The following CD82 variants were observed in gnomAD, a reference collection of about 807,000 sequenced individuals.
The protein encoded by CD82 is CD82 molecule.
Under a neutral mutation model 37.4 loss-of-function variants are expected in CD82, and 36 were observed. That is an observed-to-expected ratio of 0.96 (90% CI 0.74 to 1.27). The LOEUF (loss-of-function observed/expected upper bound fraction) is 1.27, where lower values mean the gene tolerates loss of function less well. CD82 is among the 50% of genes most tolerant of loss of function. The pLI, the probability that CD82 is intolerant of heterozygous loss-of-function variation, is 0.00. For missense variants in CD82, 340 were observed against 347.0 expected, an observed-to-expected ratio of 0.98 and a Z score of 0.16; for synonymous variants, 158 against 137.4, an observed-to-expected ratio of 1.15 and a Z score of -1.05.
intron 6 of CD82, among the ~76,000 whole-genome samples, chr11:44,607,821 C>T (rs1038322454): frequency 2.0e-5 from 3 of 152,198 alleles, no homozygotes; most frequent in African/African-American, 7.2e-5. Flanking sequence ...GCTGCCCTCC[C>T]GCCGGCTGGG....
At chr11:44,596,672 G>A (rs1853232144) in intron 3 of CD82, among the ~76,000 whole-genome samples, 1 of 152,164 alleles carries the variant, frequency 6.6e-6, no homozygotes, top group African/African-American at 2.4e-5. Context: ...GACCCATCAG[G>A]ATGGTGGAGG....
At position 44,619,596 on chromosome 11, in the gene CD82, A is replaced by C. The variant is rs1479893837; in HGVS notation, c.*470A>C. 1 of 152,636 alleles carries C rather than the reference A, an allele frequency of 6.6e-6. No individual in the cohort carries two copies. Among genetic ancestry groups the C allele is most frequent in the Admixed American group, 6.5e-5 (1 of 15,346 alleles). The allele number at this position is 152,636 out of a possible 1,614,324, so 9.5% of individuals were successfully genotyped here. A position where few individuals can be genotyped will look rare whatever the true frequency, so the allele number is the denominator to read the frequency against. The stretch of plus-strand genomic sequence containing the variant: ...GCTAACATGGTGAAACCCCGTCTCT[A>C]CTAAAAATACAAAAAAAATTTAGCC... On this transcript the variant is annotated 3_prime_UTR_variant, in exon 10 of 10. Transcript: ENST00000227155.
chr11:44,591,051 A>G (rs1853138498), intron 2 of CD82, among the ~76,000 whole-genome samples: 2 of 152,204 alleles, frequency 1.3e-5, no homozygotes. Context: ...TGTCTTCTGG[A>G]TCTTGGCCAG....
intron 1 of CD82, among the ~76,000 whole-genome samples, chr11:44,586,163 C>T (rs745399095): frequency 6.6e-6 from 1 of 152,222 alleles, no homozygotes; most frequent in Non-Finnish European, 1.5e-5. Flanking sequence ...GCCCAGGCTG[C>T]ACCCCAGAAC....
In CD82 at chr11:44,619,089, T is replaced by C; in HGVS notation, c.767T>C (p.Val256Ala). Residue 256 changes from valine to alanine, a missense_variant, in exon 10 of 10, where the codon GTC becomes GCC. Physicochemically the swap from Val to Ala is moderately conservative, Grantham distance 64. Transcript: ENST00000227155. ...CTGTCCATCTGCTTGTGCCGGCACG[T>C]CCATTCCGAAGACTACAGCAAGGTC... ...MVLSICLCRH[V>A]HSEDYSKVPK... 1.2e-6 allele frequency: 2 copies of C among 1,613,242 alleles called. No homozygotes were observed. Among genetic ancestry groups the C allele is most frequent in the Non-Finnish European group, 8.5e-7 (1 of 1,179,790 alleles).
intron 3 of CD82, chr11:44,596,788 G>C: frequency 2.5e-6 from 1 of 407,422 alleles, no homozygotes; most frequent in East Asian, 7.2e-5. Flanking sequence ...TGACACCTCA[G>C]CATCTTCAGA....
intron 3 of CD82, among the ~76,000 whole-genome samples, chr11:44,598,909 C>A (rs550843268): frequency 6.6e-6 from 1 of 152,312 alleles, no homozygotes; most frequent in Non-Finnish European, 1.5e-5. Context: ...CCAGGTGGGC[C>A]CAGTCCAGGC....
At chr11:44,604,892 A>G in intron 4 of CD82, 166 bp from the exon 5 acceptor site, 1 of 849,468 alleles carries the variant, frequency 1.2e-6, no homozygotes, top group Non-Finnish European at 1.9e-6. Context: ...ACAAGTGGGG[A>G]TGGGGGTGAC....
intron 6 of CD82, chr11:44,608,169 T>C (rs1853426964): frequency 6.6e-6 from 1 of 152,174 alleles, no homozygotes; most frequent in African/African-American, 2.4e-5. Context: ...TCTTGATGTG[T>C]TTATTCTGGC....
intron 1 of CD82, among the ~76,000 whole-genome samples, chr11:44,567,268 G>A (rs772219814): frequency 6.6e-6 from 1 of 152,184 alleles, no homozygotes; most frequent in Non-Finnish European, 1.5e-5. Flanking sequence ...CGCTGAAGGT[G>A]CTGCATTATA....
chr11:44,605,026 C>G, intron 4 of CD82, 32 bp from the exon 5 acceptor site: 1 of 1,614,126 alleles, frequency 6.2e-7, no homozygotes, highest in Non-Finnish European at 8.5e-7. Context: ...ACCTGCTGTG[C>G]CCACTGATTT....
At chr11:44,581,406 C>A (rs761314112) in intron 1 of CD82, among the ~76,000 whole-genome samples, 2 of 152,210 alleles carry the variant, frequency 1.3e-5, no homozygotes, top group Non-Finnish European at 2.9e-5. Flanking sequence ...AACTGAGCCA[C>A]GTGAAGGACT....
rs145072573 is a variant in CD82 at position 44,588,473 on chromosome 11, C to T, written c.-21+917C>T. On this transcript the variant is annotated intron_variant, in intron 2 of 9. Transcript: ENST00000227155. Reference sequence around the variant, plus strand: ...TCCTGACCTCGTGATCCGCCCGCCTCGACCTCCCAAAGTGCTGGGGTTACA... The same window carrying T: ...TCCTGACCTCGTGATCCGCCCGCCTTGACCTCCCAAAGTGCTGGGGTTACA... 8.1e-3 allele frequency among the ~76,000 whole-genome samples: 1,234 copies of T among 152,280 alleles called. 5 individuals are homozygous for T. Among genetic ancestry groups the T allele is most frequent in the Middle Eastern group, 0.02 (6 of 294 alleles).
intron 7 of CD82, among the ~76,000 whole-genome samples, chr11:44,617,501 G>A (rs1441355856): frequency 1.4e-5 from 2 of 145,810 alleles, no homozygotes; most frequent in African/African-American, 2.6e-5. Context: ...GGAGGTTGCA[G>A]TGAGCCAAGA....
chr11:44,612,104 C>T (rs967875547), intron 6 of CD82, among the ~76,000 whole-genome samples: 2 of 152,192 alleles, frequency 1.3e-5, no homozygotes, highest in Admixed American at 6.5e-5. Flanking sequence ...GAGGTGGACC[C>T]GAGATGTCAG....
upstream of CD82, among the ~76,000 whole-genome samples, chr11:44,565,222 C>T (rs1852711240): frequency 6.6e-6 from 1 of 152,076 alleles, no homozygotes; most frequent in Non-Finnish European, 1.5e-5. Flanking sequence ...GGGGCGTGGC[C>T]TCACCCTACT....
rs1368009587 is a variant in CD82, at chr11:44,619,194, C to G, written c.*68C>G. On this transcript the variant is annotated 3_prime_UTR_variant, in exon 10 of 10. Coordinates refer to ENST00000227155, the MANE Select transcript of CD82 (RefSeq NM_002231.4). ...GGGCTCCCAGGGGTCTCCCTGGCTC[C>G]CTCCTCCAGGCCTGCCTCCCACTTC... The G allele has an allele frequency of 7.9e-7, 1 of 1,266,218 alleles. No individual in the cohort carries two copies. The highest frequency in any genetic ancestry group is 1.2e-6 in the Non-Finnish European group (1 of 863,148). The allele number at this position is 1,266,218 out of a possible 1,614,324, so 78.4% of individuals were successfully genotyped here.
intron 1 of CD82, chr11:44,587,178 G>A (rs1853067553): frequency 2.9e-6 from 1 of 343,824 alleles, no homozygotes; most frequent in Non-Finnish European, 5.8e-6. Context: ...TTTGGGAGGA[G>A]GGATGTCAGC....
intron 2 of CD82, among the ~76,000 whole-genome samples, chr11:44,588,404 A>G (rs1853091978): frequency 6.6e-6 from 1 of 151,830 alleles, no homozygotes; most frequent in Non-Finnish European, 1.5e-5. Context: ...TTGTATTTTT[A>G]ATAGAGATGG....
Sources: allele counts gnomAD v4.1 joint callset (sites outside exome capture counted in the v4.1 genomes callset), GRCh38; gene constraint gnomAD v4.1.1; transcripts MANE v1.5; gene names NCBI Gene and HGNC (gene_info 2026-07-23, HGNC 2026-07-21).